ANO7: variants seen among roughly 807,000 people sequenced by gnomAD.
ANO7 encodes anoctamin-7.
ANO7 carries 114 observed loss-of-function variants against 115.8 expected under a neutral mutation model. That is an observed-to-expected ratio of 0.98 (90% CI 0.85 to 1.15). The LOEUF (loss-of-function observed/expected upper bound fraction) is 1.15, where lower values mean the gene tolerates loss of function less well. Among genes scored for constraint, ANO7 ranks in the 50% most tolerant of loss-of-function variants. The probability of loss-of-function intolerance (pLI) is 0.00; values close to 1 mark genes in which losing one functional copy is unlikely to be tolerated. For synonymous variants in ANO7, 550 were observed against 498.2 expected (o/e 1.10, Z -1.38); for missense variants, 1,302 against 1,201.2 (o/e 1.08, Z -1.24).
At chr2:241,201,178 A>C (rs1388689495) in intron 6 of ANO7, 120 bp from the exon 7 acceptor site, 2 of 1,193,870 alleles carry the variant, frequency 1.7e-6, no homozygotes, top group Admixed American at 5.4e-5. Flanking sequence ...CGTGCGCGCC[A>C]GCACCCGGGC....
At chr2:241,210,216 C>A in intron 13 of ANO7, 79 bp from the exon 14 acceptor site, 1 of 1,385,116 alleles carries the variant, frequency 7.2e-7, no homozygotes, top group Non-Finnish European at 1.0e-6. Flanking sequence ...ACTAGAAGAG[C>A]TGTCGGGGGC....
chr2:241,211,990 C>G (rs2068728833), intron 15 of ANO7, 104 bp from the exon 16 acceptor site: 5 of 763,446 alleles, frequency 6.5e-6, no homozygotes, highest in South Asian at 5.9e-5. Flanking sequence ...GATGATATGG[C>G]CTTTTCCTCA....
intron 21 of ANO7, among the ~76,000 whole-genome samples, chr2:241,220,962 C>T (rs1269171980): frequency 2.7e-5 from 4 of 149,376 alleles, no homozygotes; most frequent in Admixed American, 6.7e-5. Context: ...CAGAATGAGA[C>T]GCTGTCTCAG....
downstream of ANO7, chr2:241,230,766 T>G: frequency 2.5e-6 from 4 of 1,613,936 alleles, no homozygotes; most frequent in Non-Finnish European, 2.5e-6. The surrounding 1 kb of genome is among the most constrained non-coding windows in gnomAD (Gnocchi z 5.0). Flanking sequence ...CACCTTGAAT[T>G]CGTCCATGAT....
chr2:241,232,237 G>A, the ANO7 span, among the ~76,000 whole-genome samples: 1 of 151,864 alleles, frequency 6.6e-6, no homozygotes, highest in Non-Finnish European at 1.5e-5. Context: ...CTTGGCTCAT[G>A]GTGTATTAGA....
intron 9 of ANO7, among the ~76,000 whole-genome samples, chr2:241,204,559 T>C (rs2068547115): frequency 6.6e-6 from 1 of 151,952 alleles, no homozygotes; most frequent in East Asian, 1.9e-4. Flanking sequence ...GGCAGGTTGG[T>C]TGGAGTGAGC....
chr2:241,215,777 G>C (rs1274584118), intron 18 of ANO7, among the ~76,000 whole-genome samples: 1 of 152,198 alleles, frequency 6.6e-6, no homozygotes, highest in Non-Finnish European at 1.5e-5. Flanking sequence ...CCCAACCTTG[G>C]CAGAGCTCTT....
intron 17 of ANO7, among the ~76,000 whole-genome samples, chr2:241,214,585 C>T (rs912797933): frequency 3.3e-5 from 5 of 152,178 alleles, no homozygotes; most frequent in Non-Finnish European, 7.4e-5. Context: ...TAGCAGTGCC[C>T]CCTGCAGCTT....
chr2:241,230,345 T>C (rs2069592729), downstream of ANO7: 1 of 934,066 alleles, frequency 1.1e-6, no homozygotes, highest in Non-Finnish European at 1.7e-6. This position sits in a 1 kb window ranked among gnomAD's most constrained non-coding sequence, Gnocchi z 5.0. Flanking sequence ...CAATTTCTAG[T>C]GAAGCATTTT....
intron 7 of ANO7, among the ~76,000 whole-genome samples, chr2:241,201,578 G>A (rs75397051): frequency 0.032 from 4,946 of 152,298 alleles, 190 homozygotes; most frequent in East Asian, 0.11. Context: ...GTTCCCCTCC[G>A]GGACCCCAGG....
chr2:241,203,516 C>G lies in ANO7; in HGVS notation c.889+18C>G, dbSNP rs781722948. ...CTGGCTCGGTGAGTCCCCCCCGCTG[C>G]CCCCCAGACCACCTGGGCCCCCCCA... On this transcript the variant is annotated intron_variant, in intron 9 of 24. Coordinates refer to ENST00000674324, the MANE Select transcript of ANO7 (RefSeq NM_001370694.2). The surrounding 1 kb of genome is among the most constrained non-coding windows in gnomAD (Gnocchi z 4.8). 1 of 1,439,830 alleles carries G rather than the reference C, an allele frequency of 6.9e-7. No individual in the cohort carries two copies. Among genetic ancestry groups the G allele is most frequent in the Non-Finnish European group, 9.2e-7 (1 of 1,091,516 alleles). 89.2% of individuals were successfully genotyped at this position (1,439,830 alleles called of 1,614,324 possible). A position where few individuals can be genotyped will look rare whatever the true frequency, so the allele number is the denominator to read the frequency against.
At chr2:241,212,327 GACCC>G (rs1419727489) in intron 16 of ANO7, 122 bp downstream of exon 16, 2 of 1,076,322 alleles carry the variant, frequency 1.9e-6, no homozygotes. Flanking sequence ...CGGAACCGGA[GACCC>G]AGGCAGGGGA....
chr2:241,212,331 C>A, intron 16 of ANO7, 126 bp downstream of exon 16: 1 of 1,049,294 alleles, frequency 9.5e-7, no homozygotes, highest in Non-Finnish European at 1.4e-6. Flanking sequence ...ACCGGAGACC[C>A]AGGCAGGGGA....
downstream of ANO7, chr2:241,229,326 C>A: frequency 2.7e-6 from 1 of 368,436 alleles, no homozygotes. Context: ...GACTGACATG[C>A]CGGGTGGACC....
chr2:241,204,880 G>C lies in ANO7; in HGVS notation c.905G>C (p.Trp302Ser), dbSNP rs746524447. ...CTCTCTACAGGGTTTTACACAGGCT[G>C]GCTCCTGCCAGCGGCAGTGGTGGGC... Reference protein sequence around the residue: ...YFAWLGFYTGWLLPAAVVGTL... With the variant: ...YFAWLGFYTGSLLPAAVVGTL... The change falls in exon 10 of 25, where the codon TGG (tryptophan) becomes TCG (serine). Residue 302 changes from tryptophan to serine, a missense_variant. Transcript: ENST00000674324. The C allele has an allele frequency of 1.2e-6, 2 of 1,613,858 alleles. No homozygotes were observed. Among genetic ancestry groups the C allele is most frequent in the South Asian group, 1.1e-5 (1 of 91,068 alleles).
chr2:241,231,098 C>T, the ANO7 span: 3 of 675,112 alleles, frequency 4.4e-6, no homozygotes, highest in African/African-American at 5.4e-5. Context: ...ACAATGTCCA[C>T]TCAGGGCCGG....
chr2:241,205,105 G>C, intron 10 of ANO7, 150 bp downstream of exon 10: 1 of 668,294 alleles, frequency 1.5e-6, no homozygotes, highest in Non-Finnish European at 2.6e-6. Context: ...GTCTTCAGGA[G>C]TGTCACAGAG....
the ANO7 span, chr2:241,239,709 C>A: frequency 6.2e-7 from 1 of 1,614,178 alleles, no homozygotes; most frequent in Non-Finnish European, 8.5e-7. This position sits in a 1 kb window ranked among gnomAD's most constrained non-coding sequence, Gnocchi z 4.6. Flanking sequence ...GGGAAGCTGA[C>A]CATCACCCCG....
downstream of ANO7, among the ~76,000 whole-genome samples, chr2:241,226,977 A>C (rs2069201400): frequency 6.6e-6 from 1 of 152,164 alleles, no homozygotes; most frequent in Non-Finnish European, 1.5e-5. Flanking sequence ...AATGCCACTG[A>C]GGCTGGCAGA....
Sources: allele counts gnomAD v4.1 joint callset (sites outside exome capture counted in the v4.1 genomes callset), GRCh38; gene constraint gnomAD v4.1.1; non-coding constraint Gnocchi (gnomAD v3.1); transcripts MANE v1.5; gene names NCBI Gene and HGNC (gene_info 2026-07-23, HGNC 2026-07-21).